Variants in MACROD2 observed in about 807,000 individuals in gnomAD.
MACROD2 encodes mono-ADP ribosylhydrolase 2.
MACROD2 carries 36 observed loss-of-function variants against 70.4 expected under a neutral mutation model. That is an observed-to-expected ratio of 0.51 (90% CI 0.39 to 0.68). MACROD2 has a LOEUF of 0.68. MACROD2 is among the 30% of genes least tolerant of loss of function. The pLI, the probability that MACROD2 is intolerant of heterozygous loss-of-function variation, is 0.00. For missense variants in MACROD2, 496 were observed against 538.4 expected (o/e 0.92, Z 0.78); for synonymous variants, 172 against 178.8 (o/e 0.96, Z 0.30).
At chr20:14,395,807 C>T (rs2083574442) in intron 3 of MACROD2, among the ~76,000 whole-genome samples, 1 of 152,182 alleles carries the variant, frequency 6.6e-6, no homozygotes, top group South Asian at 2.1e-4. Flanking sequence ...ACTGTACATA[C>T]TTTCTAATTT....
At chr20:15,570,352 TA>T (rs2048361358) in intron 8 of MACROD2, among the ~76,000 whole-genome samples, 1 of 152,212 alleles carries the variant, frequency 6.6e-6, no homozygotes, top group African/African-American at 2.4e-5. Flanking sequence ...GAAATAGTTT[TA>T]ACCAGTCTGA....
intron 3 of MACROD2, among the ~76,000 whole-genome samples, chr20:14,238,260 A>G (rs540358828): frequency 1.3e-5 from 2 of 152,312 alleles, no homozygotes; most frequent in South Asian, 2.1e-4. Context: ...AAATCAATAA[A>G]TGTTATTTAT....
rs115165013 is a variant in MACROD2, at chr20:15,321,454, C to T, written c.540+91393C>T. ...CCAGTCATATCTTGAAGACTTCCAA[C>T]TTAAACACATTAATTTATGCTTGGG... On this transcript the variant is annotated intron_variant, in intron 6 of 17. Coordinates refer to ENST00000684519, the MANE Select transcript of MACROD2 (RefSeq NM_001351661.2). Among the ~76,000 whole-genome samples, 429 of 144,370 alleles carry T rather than the reference C, an allele frequency of 3.0e-3. 34 individuals carry two copies. The highest frequency in any genetic ancestry group is 0.01 in the African/African-American group (412 of 40,468). The allele number at this position is 144,370 out of a possible 152,430, so 94.7% of individuals were successfully genotyped here. A position where few individuals can be genotyped will look rare whatever the true frequency, so the allele number is the denominator to read the frequency against.
At chr20:15,051,485 C>T (rs1453361971) in intron 5 of MACROD2, among the ~76,000 whole-genome samples, 1 of 151,366 alleles carries the variant, frequency 6.6e-6, no homozygotes, top group African/African-American at 2.4e-5. Context: ...CGGGAAACAC[C>T]CTGGCAGTGG....
chr20:15,564,561 C>T (rs1469738763), intron 8 of MACROD2, among the ~76,000 whole-genome samples: 2 of 152,048 alleles, frequency 1.3e-5, no homozygotes, highest in Non-Finnish European at 1.5e-5. Flanking sequence ...TTGTAGGTAC[C>T]GTGTCAACAA....
In MACROD2 at chr20:15,170,041, T is replaced by C. The variant is rs1601171007; in HGVS notation, c.419-59899T>C. Among the ~76,000 whole-genome samples the C allele has an allele frequency of 2.6e-5, 4 of 152,360 alleles. No homozygotes were observed. The South Asian group carries it at 6.2e-4, about 24-fold the overall frequency. On this transcript the variant is annotated intron_variant, in intron 5 of 17. Coordinates refer to ENST00000684519, the MANE Select transcript of MACROD2 (RefSeq NM_001351661.2). ...AAGCAACATGCAAAACACGGCCATG[T>C]TGCCTTACAAGCCAGATGGTAATCA...
At chr20:14,178,507 C>T (rs1601317346) in intron 3 of MACROD2, among the ~76,000 whole-genome samples, 1 of 152,018 alleles carries the variant, frequency 6.6e-6, no homozygotes, top group South Asian at 2.1e-4. Context: ...TTGTGTTCTG[C>T]TCATTTGTGA....
intron 5 of MACROD2, among the ~76,000 whole-genome samples, chr20:14,987,163 G>A (rs1447780375): frequency 6.6e-6 from 1 of 152,052 alleles, no homozygotes; most frequent in Non-Finnish European, 1.5e-5. Context: ...ACCCCTAGTA[G>A]TAGCAGTATT....
chr20:14,655,486 G>C (rs1336617335), intron 4 of MACROD2, among the ~76,000 whole-genome samples: 1 of 151,992 alleles, frequency 6.6e-6, no homozygotes, highest in Non-Finnish European at 1.5e-5. Flanking sequence ...ATAAAATCGT[G>C]TTTGGTCGGG....
At chr20:15,964,490 C>T (rs779800303) in intron 12 of MACROD2, among the ~76,000 whole-genome samples, 2 of 152,094 alleles carry the variant, frequency 1.3e-5, no homozygotes, top group Non-Finnish European at 2.9e-5. Flanking sequence ...ATGATCCGAT[C>T]ACCTTCCTAA....
At chr20:14,276,403 C>T (rs957171369) in intron 3 of MACROD2, among the ~76,000 whole-genome samples, 3 of 142,604 alleles carry the variant, frequency 2.1e-5, no homozygotes, top group African/African-American at 5.3e-5. Context: ...CGCATGTTCT[C>T]ACTCATAGGT....
intron 6 of MACROD2, among the ~76,000 whole-genome samples, chr20:15,409,507 T>C (rs2046048333): frequency 6.6e-6 from 1 of 152,232 alleles, no homozygotes; most frequent in Admixed American, 6.5e-5. Context: ...GGTTTGAACA[T>C]TTGCTTCATA....
chr20:15,979,072 G>A (rs1021601726), intron 13 of MACROD2, among the ~76,000 whole-genome samples: 1 of 152,204 alleles, frequency 6.6e-6, no homozygotes, highest in Non-Finnish European at 1.5e-5. Context: ...AGCAGAGAAT[G>A]AATCAAGGGG....
intron 3 of MACROD2, among the ~76,000 whole-genome samples, chr20:14,230,654 T>TATATATATATATATATATATATAAAAAAA: frequency 2.0e-4 from 15 of 74,240 alleles, no homozygotes; most frequent in South Asian, 1.1e-3. Flanking sequence ...TATATATATA[T>TATATATATATATATATATATATAAAAAAA]AACACAGGCT....
intron 13 of MACROD2, among the ~76,000 whole-genome samples, chr20:15,976,019 C>A (rs2066301034): frequency 6.6e-6 from 1 of 152,174 alleles, no homozygotes; most frequent in Non-Finnish European, 1.5e-5. Context: ...CAAAAAGACA[C>A]AATTTACATG....
intron 2 of MACROD2, among the ~76,000 whole-genome samples, chr20:14,083,983 A>G (rs2054036498): frequency 6.9e-6 from 1 of 144,948 alleles, no homozygotes; most frequent in African/African-American, 2.5e-5. Context: ...AATGGTGTGA[A>G]TCCGGGAGGC....
At chr20:14,363,179 T>C (rs1039883302) in intron 3 of MACROD2, among the ~76,000 whole-genome samples, 3 of 152,204 alleles carry the variant, frequency 2.0e-5, no homozygotes, top group Admixed American at 6.5e-5. Context: ...GGCAAATTAC[T>C]GTTTCTGAGC....
intron 6 of MACROD2, among the ~76,000 whole-genome samples, chr20:15,347,041 C>T (rs1005705826): frequency 6.6e-6 from 1 of 152,164 alleles, no homozygotes; most frequent in Non-Finnish European, 1.5e-5. Flanking sequence ...TTCCTTGCTG[C>T]CTTCACAACT....
chr20:14,981,508 G>T (rs1242490939), intron 5 of MACROD2, among the ~76,000 whole-genome samples: 1 of 151,436 alleles, frequency 6.6e-6, no homozygotes, highest in African/African-American at 2.4e-5. Flanking sequence ...ATTTGGCCGT[G>T]TCCCCACTCA....
Sources: allele counts gnomAD v4.1 joint callset (sites outside exome capture counted in the v4.1 genomes callset), GRCh38; gene constraint gnomAD v4.1.1; transcripts MANE v1.5; gene names NCBI Gene and HGNC (gene_info 2026-07-23, HGNC 2026-07-21).